PLAAT1: variants seen among roughly 807,000 people sequenced by gnomAD.
PLAAT1 encodes phospholipase A and acyltransferase 1.
PLAAT1 carries 13 observed loss-of-function variants against 16.4 expected under a neutral mutation model. That is an observed-to-expected ratio of 0.79 (90% CI 0.52 to 1.26). The LOEUF (loss-of-function observed/expected upper bound fraction) is 1.26. Ranked by LOEUF, PLAAT1 falls within the 50% of genes most tolerant of loss-of-function variation. The pLI, the probability that PLAAT1 is intolerant of heterozygous loss-of-function variation, is 0.00. For missense variants in PLAAT1, 218 were observed against 207.8 expected (o/e 1.05, Z -0.30); for synonymous variants, 73 against 78.4 (o/e 0.93, Z 0.36).
chr3:193,251,995 C>T (rs764570120), intron 1 of PLAAT1, among the ~76,000 whole-genome samples: 8 of 152,070 alleles, frequency 5.3e-5, no homozygotes, highest in Admixed American at 4.6e-4. Context: ...TGAAATTAGT[C>T]TGTTTGCATT....
Sources: gnomAD v4.1 joint callset for allele counts (sites outside exome capture counted in the v4.1 genomes callset) on GRCh38, gnomAD v4.1.1 for gene constraint, MANE v1.5 for transcripts, NCBI Gene and HGNC (gene_info 2026-07-23, HGNC 2026-07-21) for gene names.